SLC24A2: variants seen among roughly 807,000 people sequenced by gnomAD.
The protein encoded by SLC24A2 is sodium/potassium/calcium exchanger 2.
A neutral mutation model predicts 62.0 loss-of-function variants in SLC24A2; 36 were observed. That is an observed-to-expected ratio of 0.58 (90% CI 0.44 to 0.77). The LOEUF (loss-of-function observed/expected upper bound fraction) is 0.77. Among genes scored for constraint, SLC24A2 ranks in the 30% least tolerant of loss-of-function variants. The probability of loss-of-function intolerance (pLI) is 0.00; values close to 1 mark genes in which losing one functional copy is unlikely to be tolerated. For missense variants in SLC24A2, 846 were observed against 817.9 expected (o/e 1.03, Z -0.42); for synonymous variants, 358 against 294.0 (o/e 1.22, Z -2.23).
At chr9:19,860,712 G>C in the SLC24A2 span, among the ~76,000 whole-genome samples, 1 of 152,206 alleles carries the variant, frequency 6.6e-6, no homozygotes, top group African/African-American at 2.4e-5. Context: ...GGGGAGCACA[G>C]TCCCCGATGG....
At chr9:19,747,605 A>G (rs1056769561) in intron 2 of SLC24A2, among the ~76,000 whole-genome samples, 1 of 152,218 alleles carries the variant, frequency 6.6e-6, no homozygotes, top group Non-Finnish European at 1.5e-5. Flanking sequence ...TTTGCCTTTC[A>G]AGAGATTAGC....
rs1823152649 is a variant in SLC24A2, at chr9:19,785,990, T to C, written c.877A>G (p.Met293Val). The change falls in exon 2 of 11, where the codon ATG (methionine) becomes GTG (valine). Residue 293 changes from methionine to valine, a missense_variant. By Grantham distance (21) the Met-to-Val change is conservative (BLOSUM62 1). Transcript: ENST00000341998. ...NVQVEKWVKQ[M>V]INRNKVVKVT... ...TTGACGACCTTATTGCGGTTTATCA[T>C]TTGCTTCACCCATTTTTCTACTTGG... 2 of 1,614,090 alleles carry C rather than the reference T, an allele frequency of 1.2e-6. No individual in the cohort carries two copies. The highest frequency in any genetic ancestry group is 1.3e-5 in the African/African-American group (1 of 74,942).
At chr9:19,742,378 A>G (rs1340058378) in intron 2 of SLC24A2, among the ~76,000 whole-genome samples, 1 of 152,250 alleles carries the variant, frequency 6.6e-6, no homozygotes, top group Admixed American at 6.5e-5. Flanking sequence ...GTCTGTTCTC[A>G]GTTGCCCATC....
the SLC24A2 span, among the ~76,000 whole-genome samples, chr9:19,998,948 C>T: frequency 6.6e-6 from 1 of 152,156 alleles, no homozygotes; most frequent in African/African-American, 2.4e-5. Flanking sequence ...CAGCAGAAGC[C>T]AGAAATAAGC....
chr9:19,760,702 T>G (rs1822294557), intron 2 of SLC24A2, among the ~76,000 whole-genome samples: 1 of 152,158 alleles, frequency 6.6e-6, no homozygotes, highest in South Asian at 2.1e-4. Flanking sequence ...TAAGTCAGTC[T>G]TTTTTATGGC....
intron 2 of SLC24A2, among the ~76,000 whole-genome samples, chr9:19,725,826 T>A (rs1032014484): frequency 1.4e-4 from 21 of 152,136 alleles, no homozygotes; most frequent in African/African-American, 4.8e-4. Context: ...ATGTAGCATA[T>A]CTTAGAACAG....
the SLC24A2 span, among the ~76,000 whole-genome samples, chr9:19,799,265 T>C: frequency 1.6e-4 from 25 of 152,320 alleles, no homozygotes; most frequent in South Asian, 5.2e-3. Flanking sequence ...AAAAAGCCCT[T>C]GTCACTTTTA....
the SLC24A2 span, among the ~76,000 whole-genome samples, chr9:20,184,663 C>T: frequency 6.6e-6 from 1 of 152,156 alleles, no homozygotes; most frequent in Non-Finnish European, 1.5e-5. Context: ...GGAATGTAAA[C>T]TAGTACAACC....
At chr9:20,290,394 G>A in the SLC24A2 span, among the ~76,000 whole-genome samples, 4 of 152,224 alleles carry the variant, frequency 2.6e-5, no homozygotes, top group Non-Finnish European at 5.9e-5. Context: ...TGTTTCAAAT[G>A]TATCTCATCT....
chr9:20,015,271 G>A, the SLC24A2 span, among the ~76,000 whole-genome samples: 1 of 152,182 alleles, frequency 6.6e-6, no homozygotes, highest in African/African-American at 2.4e-5. Flanking sequence ...GAGCAAGGTT[G>A]AGCTGGAACC....
chr9:19,863,474 T>A, the SLC24A2 span, among the ~76,000 whole-genome samples: 1 of 152,004 alleles, frequency 6.6e-6, no homozygotes, highest in Non-Finnish European at 1.5e-5. Flanking sequence ...AGGTCACAAA[T>A]CAAGTCTCAA....
the SLC24A2 span, among the ~76,000 whole-genome samples, chr9:20,116,139 TTAA>T: frequency 6.6e-6 from 1 of 152,154 alleles, no homozygotes; most frequent in African/African-American, 2.4e-5. Context: ...TGAAAGAAAC[TTAA>T]TAATAGACTC....
chr9:20,190,304 A>G, the SLC24A2 span, among the ~76,000 whole-genome samples: 1 of 152,172 alleles, frequency 6.6e-6, no homozygotes, highest in African/African-American at 2.4e-5. Context: ...CTGGCTTGTC[A>G]AGACAATCCT....
At chr9:19,872,186 T>C in the SLC24A2 span, among the ~76,000 whole-genome samples, 2 of 152,164 alleles carry the variant, frequency 1.3e-5, no homozygotes, top group African/African-American at 4.8e-5. Flanking sequence ...GCAGTAACTA[T>C]GGGAAATATA....
intron 2 of SLC24A2, among the ~76,000 whole-genome samples, chr9:19,754,478 G>A (rs10514825): frequency 0.17 from 25,775 of 152,146 alleles, 2,623 homozygotes; most frequent in South Asian, 0.26. Context: ...CTTCTAGCAT[G>A]CCTTCCTGAT....
chr9:19,825,118 T>C, the SLC24A2 span, among the ~76,000 whole-genome samples: 14 of 152,192 alleles, frequency 9.2e-5, no homozygotes, highest in Non-Finnish European at 1.9e-4. Flanking sequence ...CAGAACACCA[T>C]GGCACATGTA....
rs1229800102 is a variant in SLC24A2, at chr9:19,513,682, C to T, written c.*2471G>A. The T allele has an allele frequency of 6.6e-6, 1 of 152,158 alleles. No homozygotes were observed. The highest frequency in any genetic ancestry group is 2.1e-4 in the South Asian group (1 of 4,810). 9.4% of individuals were successfully genotyped at this position (152,158 alleles called of 1,614,324 possible). A position where few individuals can be genotyped will look rare whatever the true frequency, so the allele number is the denominator to read the frequency against. On this transcript the variant is annotated 3_prime_UTR_variant, in exon 11 of 11. Transcript: ENST00000341998. ...GAATAAGAAGAGGGCGGCATCAGGT[C>T]TCCTTCAACTTCTGTTTTACATGGT...
rs139573341 is a variant in SLC24A2 at position 19,763,393 on chromosome 9, C to A, written c.930+22544G>T. ...TGAGAGAGGGCATCGTTGTCTTGTG[C>A]CAGTTTTCAAAGGGAATGCTTCCAG... On this transcript the variant is annotated intron_variant, in intron 2 of 10. Transcript: ENST00000341998. 7.0e-4 allele frequency among the ~76,000 whole-genome samples: 107 copies of A among 152,282 alleles called. No homozygotes were observed. In the Middle Eastern group the frequency reaches 0.024, roughly 34 times the overall value.
chr9:20,034,715 G>A, the SLC24A2 span, among the ~76,000 whole-genome samples: 5 of 152,120 alleles, frequency 3.3e-5, no homozygotes, highest in East Asian at 7.7e-4. Context: ...TGATCCGCCC[G>A]CCTTGACCTC....
Sources: gnomAD v4.1 joint callset for allele counts (sites outside exome capture counted in the v4.1 genomes callset) on GRCh38, gnomAD v4.1.1 for gene constraint, MANE v1.5 for transcripts, NCBI Gene and HGNC (gene_info 2026-07-23, HGNC 2026-07-21) for gene names.